Variants in ABLIM2 observed in about 807,000 individuals in gnomAD.
The protein encoded by ABLIM2 is actin-binding LIM protein 2.
A neutral mutation model predicts 97.7 loss-of-function variants in ABLIM2; 53 were observed. The observed-to-expected ratio is 0.54, with a 90% confidence interval of 0.44 to 0.68. The LOEUF is 0.68. Ranked by LOEUF, ABLIM2 falls within the 30% of genes least tolerant of loss-of-function variation. ABLIM2 has a pLI of 0.00. For synonymous variants in ABLIM2, 361 were observed against 345.8 expected (o/e 1.04, Z -0.49); for missense variants, 835 against 867.2 (o/e 0.96, Z 0.47).
At chr4:8,116,145 G>T (rs1046398349) in intron 1 of ABLIM2, among the ~76,000 whole-genome samples, 1 of 152,206 alleles carries the variant, frequency 6.6e-6, no homozygotes, top group Non-Finnish European at 1.5e-5. Flanking sequence ...TTTCTGAATG[G>T]CAGCCCCTCC....
At chr4:8,042,203 G>T (rs183443087) in intron 9 of ABLIM2, among the ~76,000 whole-genome samples, 11 of 152,194 alleles carry the variant, frequency 7.2e-5, no homozygotes, top group East Asian at 1.9e-4. Context: ...TCCTACCCCC[G>T]CTGAAGTGAG....
intron 20 of ABLIM2, 81 bp from the exon 21 acceptor site, chr4:7,967,184 C>A: frequency 8.5e-7 from 1 of 1,173,196 alleles, no homozygotes; most frequent in South Asian, 1.2e-5. Context: ...TGCCGCCAAG[C>A]AATCCAGGGG....
Position 8,120,952 on chromosome 4 carries a change from A to G in ABLIM2, c.11-14315T>C, listed in dbSNP as rs755659796. On this transcript the variant is annotated intron_variant, in intron 1 of 20. Transcript: ENST00000447017. This position sits in a 1 kb window ranked among gnomAD's most constrained non-coding sequence, Gnocchi z 5.6. ...TAGCTCAGAGAAAGATCGAAATTCAAAATTCAAAGTATGGTTTCTACTGAA... is the reference window on the plus strand; with the variant it reads ...TAGCTCAGAGAAAGATCGAAATTCAGAATTCAAAGTATGGTTTCTACTGAA... 6.6e-6 allele frequency among the ~76,000 whole-genome samples: 1 copy of G among 152,232 alleles called. No homozygotes were observed. Among genetic ancestry groups the G allele is most frequent in the African/African-American group, 2.4e-5 (1 of 41,460 alleles).
At chr4:8,108,295 G>A (rs920142787) in intron 1 of ABLIM2, among the ~76,000 whole-genome samples, 4 of 152,230 alleles carry the variant, frequency 2.6e-5, no homozygotes, top group African/African-American at 4.8e-5. Context: ...AGCCCAGGGC[G>A]GGCTTTCACT....
chr4:8,120,537 C>T lies in ABLIM2; in HGVS notation c.11-13900G>A, dbSNP rs544304340. Among the ~76,000 whole-genome samples, 3 of 152,222 alleles carry T rather than the reference C, an allele frequency of 2.0e-5. No homozygotes were observed. Among genetic ancestry groups the T allele is most frequent in the East Asian group, 3.9e-4 (2 of 5,180 alleles). Reference sequence around the variant, plus strand: ...AGATGCCAGGAGAGGGGCCCTGGGACGGGTCCTTCCTTGCAGCCTCAGAAG... The same window carrying T: ...AGATGCCAGGAGAGGGGCCCTGGGATGGGTCCTTCCTTGCAGCCTCAGAAG... On this transcript the variant is annotated intron_variant, in intron 1 of 20. Transcript: ENST00000447017. The surrounding 1 kb of genome is among the most constrained non-coding windows in gnomAD (Gnocchi z 5.6).
In ABLIM2 at chr4:8,148,000, G is replaced by A. The variant is rs1263847188; in HGVS notation, c.10+10680C>T. Among the ~76,000 whole-genome samples the A allele has an allele frequency of 6.6e-6, 1 of 152,216 alleles. No homozygotes were observed. The highest frequency in any genetic ancestry group is 1.5e-5 in the Non-Finnish European group (1 of 68,030). ...CCCAGAAGAAGGGGCACGAGTCAGG[G>A]CCCAGCTGCAGACCAACCCCAAACT... is the stretch of plus-strand genomic sequence containing the variant. On this transcript the variant is annotated intron_variant, in intron 1 of 20. Transcript: ENST00000447017. The surrounding 1 kb of genome is among the most constrained non-coding windows in gnomAD (Gnocchi z 5.3).
In ABLIM2 at chr4:8,082,737, G is replaced by C. The variant is rs190752881; in HGVS notation, c.455-1935C>G. Among the ~76,000 whole-genome samples, 1 of 152,188 alleles carries C rather than the reference G, an allele frequency of 6.6e-6. No individual in the cohort carries two copies. The highest frequency in any genetic ancestry group is 1.5e-5 in the Non-Finnish European group (1 of 68,026). On this transcript the variant is annotated intron_variant, in intron 4 of 20. Transcript: ENST00000447017. The surrounding 1 kb of genome is among the most constrained non-coding windows in gnomAD (Gnocchi z 5.6). Reference sequence around the variant, plus strand: ...CAGAGGCTGTGGGCTTGAGAAACACGTGGGGAATGAATGAATGAATGAATG... The same window carrying C: ...CAGAGGCTGTGGGCTTGAGAAACACCTGGGGAATGAATGAATGAATGAATG...
chr4:8,064,195 C>T (rs1185793783), intron 6 of ABLIM2, among the ~76,000 whole-genome samples: 1 of 152,218 alleles, frequency 6.6e-6, no homozygotes, highest in Admixed American at 6.5e-5. Context: ...TGCTGAGAAA[C>T]CCTTTGTCCT....
rs375921912 is a variant in ABLIM2, at chr4:8,020,268, C to T, written c.1303G>A (p.Val435Met). The change falls in exon 13 of 21, where the codon GTG becomes ATG. Residue 435 changes from valine (V) to methionine (M), a missense_variant. By Grantham distance (21) the Val-to-Met change is conservative. Coordinates refer to ENST00000447017, the MANE Select transcript of ABLIM2 (RefSeq NM_001130083.2). ...ESGRSTPSLS[V>M]LSDSKPPPST... is the part of the protein sequence containing the mutation. ...GGGGGCGGCTTGCTGTCAGAGAGCA[C>T]GGAGAGGCTGGGGGTGCTCCGGCCA... The T allele has an allele frequency of 1.5e-5, 24 of 1,613,816 alleles. No individual in the cohort carries two copies. The highest frequency in any genetic ancestry group is 2.2e-5 in the South Asian group (2 of 91,034).
In ABLIM2 at chr4:8,128,915, A is replaced by G. The variant is rs1848934535; in HGVS notation, c.11-22278T>C. Among the ~76,000 whole-genome samples, 1 of 152,036 alleles carries G rather than the reference A, an allele frequency of 6.6e-6. No individual in the cohort carries two copies. Among genetic ancestry groups the G allele is most frequent in the African/African-American group, 2.4e-5 (1 of 41,402 alleles). On this transcript the variant is annotated intron_variant, in intron 1 of 20. Coordinates refer to ENST00000447017, the MANE Select transcript of ABLIM2 (RefSeq NM_001130083.2). The surrounding 1 kb of genome is among the most constrained non-coding windows in gnomAD (Gnocchi z 4.9). ...AGAGCCCGACCATGCTGGCACTCTG[A>G]TCTTGGACTTCCAGCCTCCAGAACT...
At chr4:8,114,480 T>A (rs1841909373) in intron 1 of ABLIM2, among the ~76,000 whole-genome samples, 1 of 152,152 alleles carries the variant, frequency 6.6e-6, no homozygotes, top group African/African-American at 2.4e-5. Flanking sequence ...AGGTCATGCC[T>A]CGGTTTAAGA....
chr4:8,016,042 T>TGTG (rs1768901498), intron 14 of ABLIM2, among the ~76,000 whole-genome samples: 1 of 92,842 alleles, frequency 1.1e-5, no homozygotes, highest in African/African-American at 5.2e-5. Context: ...TTTGTTGTTG[T>TGTG]ATTTTTTTTT....
chr4:8,009,240 AG>A (rs1353871048), intron 14 of ABLIM2, 138 bp from the exon 15 acceptor site: 1 of 1,026,458 alleles, frequency 9.7e-7, no homozygotes, highest in Non-Finnish European at 1.5e-6. Flanking sequence ...TGCCTTTCAA[AG>A]GGCAAGGAAC....
intron 14 of ABLIM2, 67 bp from the exon 15 acceptor site, chr4:8,009,169 C>T: frequency 6.3e-7 from 1 of 1,583,952 alleles, no homozygotes; most frequent in Non-Finnish European, 8.7e-7. Flanking sequence ...CTCATGGTTT[C>T]CCATGTTACA....
intron 2 of ABLIM2, among the ~76,000 whole-genome samples, chr4:8,098,956 G>T (rs1037662953): frequency 9.9e-5 from 15 of 152,196 alleles, no homozygotes; most frequent in Admixed American, 7.9e-4. Flanking sequence ...AGATGGTCTG[G>T]GAGGGATGAG....
Position 8,085,483 on chromosome 4 carries a change from G to GGGGTGCACCCAGCACATTTCACA in ABLIM2, c.454+2685_454+2686insTGTGAAATGTGCTGGGTGCACCC, listed in dbSNP as rs1822878059. Among the ~76,000 whole-genome samples, 1 of 151,632 alleles carries GGGGTGCACCCAGCACATTTCACA rather than the reference G, an allele frequency of 6.6e-6. No individual in the cohort carries two copies. Among genetic ancestry groups the GGGGTGCACCCAGCACATTTCACA allele is most frequent in the Admixed American group, 6.6e-5 (1 of 15,240 alleles). ...GCCCCGTCCACTCACACGGGTCTGG[G>GGGGTGCACCCAGCACATTTCACA]GGTGCCCACGCTGCAGTCCCGTCCA... On this transcript the variant is annotated intron_variant, in intron 4 of 20. Coordinates refer to ENST00000447017, the MANE Select transcript of ABLIM2 (RefSeq NM_001130083.2). This position sits in a 1 kb window ranked among gnomAD's most constrained non-coding sequence, Gnocchi z 6.1.
chr4:8,071,185 C>T lies in ABLIM2; in HGVS notation c.675+6443G>A, dbSNP rs564108859. 1.2e-3 allele frequency among the ~76,000 whole-genome samples: 190 copies of T among 152,268 alleles called. No homozygotes were observed. Among genetic ancestry groups the T allele is most frequent in the African/African-American group, 4.4e-3 (184 of 41,546 alleles). ...TGGGGGCAGCGCCATCCGTCCCCAG[C>T]AGCTGGCTCTGCCACAGTTGCTGCC... On this transcript the variant is annotated intron_variant, in intron 6 of 20. Coordinates refer to ENST00000447017, the MANE Select transcript of ABLIM2 (RefSeq NM_001130083.2). This position sits in a 1 kb window ranked among gnomAD's most constrained non-coding sequence, Gnocchi z 6.2.
chr4:8,064,436 A>T (rs539116605), intron 6 of ABLIM2, among the ~76,000 whole-genome samples: 22 of 152,334 alleles, frequency 1.4e-4, no homozygotes, highest in African/African-American at 5.3e-4. Context: ...GCTCTGAGCC[A>T]GCCAGCATGC....
chr4:8,109,570 AC>A (rs1333397559), intron 1 of ABLIM2, among the ~76,000 whole-genome samples: 2 of 152,206 alleles, frequency 1.3e-5, no homozygotes, highest in East Asian at 3.9e-4. Flanking sequence ...CGATCTGGCC[AC>A]CCATCCTCGC....
Sources: gnomAD v4.1 joint callset for allele counts (sites outside exome capture counted in the v4.1 genomes callset) on GRCh38, gnomAD v4.1.1 for gene constraint, Gnocchi (gnomAD v3.1) non-coding constraint, MANE v1.5 for transcripts, NCBI Gene and HGNC (gene_info 2026-07-23, HGNC 2026-07-21) for gene names.